Variants in LPP observed in about 807,000 individuals in gnomAD.
The protein encoded by LPP is lipoma-preferred partner.
In LPP, 38 loss-of-function variants were observed where a neutral mutation model predicts 60.4. The observed-to-expected ratio is 0.63, with a 90% CI of 0.49 to 0.83. The LOEUF (loss-of-function observed/expected upper bound fraction) is 0.83, where lower values mean the gene tolerates loss of function less well. Ranked by LOEUF, LPP falls within the 40% of genes least tolerant of loss-of-function variation. The probability of loss-of-function intolerance (pLI) is 0.00; values close to 1 mark genes in which losing one functional copy is unlikely to be tolerated. For missense variants in LPP, 902 were observed against 783.6 expected, an observed-to-expected ratio of 1.15 and a Z score of -1.80; for synonymous variants, 328 against 290.8, an observed-to-expected ratio of 1.13 and a Z score of -1.30.
At chr3:188,475,116 C>T (rs1282002165) in intron 4 of LPP, among the ~76,000 whole-genome samples, 1 of 152,190 alleles carries the variant, frequency 6.6e-6, no homozygotes, top group East Asian at 1.9e-4. Context: ...ACTGAGGTGT[C>T]TCACATTTGT....
chr3:188,835,414 T>A (rs1758185501), intron 9 of LPP, among the ~76,000 whole-genome samples: 1 of 149,210 alleles, frequency 6.7e-6, no homozygotes, highest in Non-Finnish European at 1.5e-5. Flanking sequence ...ATCACTTGAC[T>A]ACCCTGGCCA....
At chr3:188,522,784 AATAT>A (rs61033243) in intron 5 of LPP, among the ~76,000 whole-genome samples, 3,899 of 125,248 alleles carry the variant, frequency 0.031, 65 homozygotes, top group Non-Finnish European at 0.037. Context: ...GATAATATGA[AATAT>A]ATATATATAT....
intron 5 of LPP, among the ~76,000 whole-genome samples, chr3:188,516,266 C>T (rs918650323): frequency 6.6e-6 from 1 of 152,096 alleles, no homozygotes; most frequent in South Asian, 2.1e-4. Context: ...CCCTAACTTA[C>T]AACAGTTTGT....
At chr3:188,871,840 A>G (rs1427930531) in intron 10 of LPP, among the ~76,000 whole-genome samples, 2 of 152,214 alleles carry the variant, frequency 1.3e-5, no homozygotes, top group Non-Finnish European at 1.5e-5. Flanking sequence ...CATTGATCAT[A>G]TTGAGAAATA....
At chr3:188,558,416 G>A (rs1170806533) in intron 6 of LPP, among the ~76,000 whole-genome samples, 7 of 151,942 alleles carry the variant, frequency 4.6e-5, no homozygotes, top group African/African-American at 1.2e-4. Context: ...CTCCTACCCC[G>A]TATGAGTTGC....
Position 188,877,119 on chromosome 3 carries a change from C to T in LPP, c.*2640C>T, listed in dbSNP as rs1769341332. On this transcript the variant is annotated 3_prime_UTR_variant, in exon 12 of 12. Transcript: ENST00000617246. ...GGAAAGGATCCTACAATATTTTATT[C>T]TAGGGTTTCTTAAATATATGATTTA... 2 of 171,388 alleles carry T rather than the reference C, an allele frequency of 1.2e-5. No individual in the cohort carries two copies. The highest frequency in any genetic ancestry group is 1.3e-4 in the Admixed American group (2 of 15,568). The allele number at this position is 171,388 out of a possible 1,614,324, so 10.6% of individuals were successfully genotyped here.
intron 2 of LPP, among the ~76,000 whole-genome samples, chr3:188,244,962 G>A (rs555983154): frequency 1.9e-4 from 29 of 152,204 alleles, no homozygotes; most frequent in Admixed American, 1.9e-3. Flanking sequence ...GTTCCTTGAG[G>A]GCATGGACCG....
chr3:188,617,404 GACCTT>G (rs1485700101), intron 7 of LPP, among the ~76,000 whole-genome samples: 1 of 152,232 alleles, frequency 6.6e-6, no homozygotes, highest in East Asian at 1.9e-4. Context: ...AGAAGTAAGT[GACCTT>G]TAAAAGGTGT....
At chr3:188,193,037 C>T (rs941994950) in intron 1 of LPP, among the ~76,000 whole-genome samples, 2 of 139,086 alleles carry the variant, frequency 1.4e-5, no homozygotes, top group Non-Finnish European at 3.3e-5. Flanking sequence ...AAAGAATAGG[C>T]TGACCACATG....
At chr3:188,179,301 T>A (rs867560259) in intron 1 of LPP, 5 of 458,402 alleles carry the variant, frequency 1.1e-5, no homozygotes, top group Non-Finnish European at 4.4e-6. Context: ...GACCCGTGCA[T>A]GTGCCTCTGA....
At chr3:188,595,158 A>C (rs1839744303) in intron 6 of LPP, among the ~76,000 whole-genome samples, 1 of 152,262 alleles carries the variant, frequency 6.6e-6, no homozygotes, top group Non-Finnish European at 1.5e-5. Context: ...CTTTCAATCA[A>C]ATCCCCTAAT....
At chr3:188,204,997 G>A (rs547694911) in intron 1 of LPP, among the ~76,000 whole-genome samples, 2 of 152,280 alleles carry the variant, frequency 1.3e-5, no homozygotes, top group East Asian at 1.9e-4. Flanking sequence ...TGCCAGGGAG[G>A]AAAGAAACCA....
chr3:188,676,118 C>T (rs1028587215), intron 7 of LPP, among the ~76,000 whole-genome samples: 7 of 152,082 alleles, frequency 4.6e-5, no homozygotes, highest in East Asian at 1.9e-4. Flanking sequence ...AAAGTGAAAA[C>T]GTTTTTAAAA....
chr3:188,417,395 AAG>A (rs1485571015), intron 4 of LPP, among the ~76,000 whole-genome samples: 1 of 152,002 alleles, frequency 6.6e-6, no homozygotes, highest in Non-Finnish European at 1.5e-5. Flanking sequence ...GTTGTTTACC[AAG>A]CAGAAAAGGG....
In LPP at chr3:188,754,198, A is replaced by G. The variant is rs1038843556; in HGVS notation, c.1241-5915A>G. Among the ~76,000 whole-genome samples the G allele has an allele frequency of 3.9e-5, 6 of 152,216 alleles. No individual in the cohort carries two copies. The East Asian group carries it at 1.2e-3, about 29-fold the overall frequency. Reference sequence around the variant, plus strand: ...CGGCAACCCAAAAGAAGCCTGTTCTATCGCAGTGCTTCCAATTAATATAAG... The same window carrying G: ...CGGCAACCCAAAAGAAGCCTGTTCTGTCGCAGTGCTTCCAATTAATATAAG... On this transcript the variant is annotated intron_variant, in intron 8 of 11. Transcript: ENST00000617246.
At chr3:188,635,626 T>G (rs188969994) in intron 7 of LPP, among the ~76,000 whole-genome samples, 8 of 152,324 alleles carry the variant, frequency 5.3e-5, no homozygotes, top group Admixed American at 3.9e-4. Context: ...GCATCTCAGC[T>G]CTCATTCCTA....
chr3:188,383,533 T>G (rs966224690), intron 3 of LPP, among the ~76,000 whole-genome samples: 6 of 152,178 alleles, frequency 3.9e-5, no homozygotes, highest in African/African-American at 1.4e-4. Flanking sequence ...CTTCAGTCCT[T>G]TTAATTACAT....
At chr3:188,456,150 T>C (rs909775443) in intron 4 of LPP, among the ~76,000 whole-genome samples, 3 of 152,300 alleles carry the variant, frequency 2.0e-5, no homozygotes, top group Admixed American at 6.5e-5. Flanking sequence ...CCCCAACCAC[T>C]GCGATTACAG....
chr3:188,213,961 A>AACACACGCAC (rs1712368814), intron 1 of LPP, among the ~76,000 whole-genome samples: 1 of 130,324 alleles, frequency 7.7e-6, no homozygotes, highest in Admixed American at 8.1e-5. Flanking sequence ...TTAGATTTTA[A>AACACACGCAC]ACACACACAC....
Sources: allele counts gnomAD v4.1 joint callset (sites outside exome capture counted in the v4.1 genomes callset), GRCh38; gene constraint gnomAD v4.1.1; transcripts MANE v1.5; gene names NCBI Gene and HGNC (gene_info 2026-07-23, HGNC 2026-07-21).